The following ATG13 variants were observed in gnomAD, a reference collection of about 807,000 sequenced individuals.
ATG13 encodes autophagy related 13.
In ATG13, 23 loss-of-function variants were observed where a neutral mutation model predicts 65.5. That is an observed-to-expected ratio of 0.35 (90% CI 0.25 to 0.50). The LOEUF (loss-of-function observed/expected upper bound fraction) is 0.50. Ranked by LOEUF, ATG13 falls within the 20% of genes least tolerant of loss-of-function variation. The pLI is 0.98. For missense variants in ATG13, 566 were observed against 677.0 expected (o/e 0.84, Z 1.82); for synonymous variants, 252 against 245.2 (o/e 1.03, Z -0.26).
At chr11:46,626,863 C>G (rs1478502200) in intron 1 of ATG13, among the ~76,000 whole-genome samples, 1 of 152,160 alleles carries the variant, frequency 6.6e-6, no homozygotes, top group Non-Finnish European at 1.5e-5. Flanking sequence ...CCCTTTGAAA[C>G]CACAGTGTTA....
chr11:46,619,014 A>C (rs1274680481), intron 1 of ATG13, among the ~76,000 whole-genome samples: 2 of 152,138 alleles, frequency 1.3e-5, no homozygotes, highest in Non-Finnish European at 2.9e-5. Context: ...AGTTTACTTG[A>C]ACTTTAGGTG....
chr11:46,629,776 A>T (rs965247518), intron 1 of ATG13: 2 of 152,170 alleles, frequency 1.3e-5, no homozygotes, highest in Non-Finnish European at 2.9e-5. Flanking sequence ...CCCTTGTTAG[A>T]ATACAAGCTC....
In ATG13 at chr11:46,659,476, A is replaced by G. The variant is rs1457584537; in HGVS notation, c.780A>G (p.Pro260=). 1.2e-6 allele frequency: 2 copies of G among 1,612,706 alleles called. No homozygotes were observed. The highest frequency in any genetic ancestry group is 4.5e-5 in the East Asian group (2 of 44,876). ...EVCTTSFSTS[P]PSQCVFTVTK... ...GTACCACCTCTTTTTCCACCTCCCCACCATCCCAGGTAGGGGGAAGCAGGT... is the reference window on the plus strand; with the variant it reads ...GTACCACCTCTTTTTCCACCTCCCCGCCATCCCAGGTAGGGGGAAGCAGGT... Residue 260 remains proline (P), a synonymous_variant, in exon 11 of 19, where the codon CCA becomes CCG. Transcript: ENST00000683050.
intron 1 of ATG13, among the ~76,000 whole-genome samples, chr11:46,624,226 A>T (rs1374120225): frequency 1.3e-5 from 2 of 151,934 alleles, no homozygotes; most frequent in Non-Finnish European, 2.9e-5. Flanking sequence ...CTGGTCTCGA[A>T]CTCTTGACCT....
rs2062010945 is a variant in ATG13, at chr11:46,665,109, T to C, written c.999+150T>C. 3.4e-6 allele frequency: 3 copies of C among 889,104 alleles called. No homozygotes were observed. In the African/African-American group the frequency reaches 5.0e-5, roughly 15 times the overall value. 55.1% of individuals were successfully genotyped at this position (889,104 alleles called of 1,614,324 possible). A position where few individuals can be genotyped will look rare whatever the true frequency, so the allele number is the denominator to read the frequency against. On this transcript the variant is annotated intron_variant, in intron 13 of 18. Coordinates refer to ENST00000683050, the MANE Select transcript of ATG13 (RefSeq NM_001346311.2). The stretch of plus-strand genomic sequence containing the variant: ...CGTGACTTCAGAGACCAAAAGTGAC[T>C]CGAGAGGAAGGAGCCTCTTAGACTT...
Position 46,672,285 on chromosome 11 carries a change from G to A in ATG13, c.1606G>A (p.Glu536Lys). 1 of 1,614,266 alleles carries A rather than the reference G, an allele frequency of 6.2e-7. No homozygotes were observed. The highest frequency in any genetic ancestry group is 8.5e-7 in the Non-Finnish European group (1 of 1,180,036). Residue 536 changes from glutamate to lysine, a missense_variant, in exon 19 of 19, where the codon GAG becomes AAG. By Grantham distance (56) the Glu-to-Lys change is moderately conservative (BLOSUM62 1). Around this residue, in one of 2 missense-constraint regions of ATG13, gnomAD observed 387 missense variants for 409.8 expected, o/e 0.94. Coordinates refer to ENST00000683050, the MANE Select transcript of ATG13 (RefSeq NM_001346311.2). ...ATTACCAGAGAAGCTGGCTGTGCAT[G>A]AGAAGAATGTCCGCGAGTTTGATGC... The part of the protein sequence containing the change: ...DSLPEKLAVH[E>K]KNVREFDAFV...
chr11:46,672,259 C>T lies in ATG13; in HGVS notation c.1580C>T (p.Ser527Leu), dbSNP rs772580939. Residue 527 changes from serine to leucine, a missense_variant, in exon 19 of 19, where the codon TCA becomes TTA. Ser to Leu is a moderately radical substitution (Grantham distance 145). Around this residue, in one of 2 missense-constraint regions of ATG13, gnomAD observed 387 missense variants for 409.8 expected, o/e 0.94. Coordinates refer to ENST00000683050, the MANE Select transcript of ATG13 (RefSeq NM_001346311.2). Reference protein sequence around the residue: ...GAQSMAEDLDSLPEKLAVHEK... With the variant: ...GAQSMAEDLDLLPEKLAVHEK... Reference sequence around the variant, plus strand: ...TTCCCTCTCTTTCCGGTACAGGACTCATTACCAGAGAAGCTGGCTGTGCAT... The same window carrying T: ...TTCCCTCTCTTTCCGGTACAGGACTTATTACCAGAGAAGCTGGCTGTGCAT... The T allele has an allele frequency of 1.2e-6, 2 of 1,614,242 alleles. No individual in the cohort carries two copies. Among genetic ancestry groups the T allele is most frequent in the South Asian group, 2.2e-5 (2 of 91,088 alleles).
intron 7 of ATG13, among the ~76,000 whole-genome samples, chr11:46,652,981 G>T (rs530809497): frequency 6.6e-6 from 1 of 151,946 alleles, no homozygotes; most frequent in Non-Finnish European, 1.5e-5. Flanking sequence ...TTTACATATT[G>T]TCTATGGCTA....
At chr11:46,654,799 T>A (rs2059678184) in intron 7 of ATG13, among the ~76,000 whole-genome samples, 1 of 150,164 alleles carries the variant, frequency 6.7e-6, no homozygotes, top group Middle Eastern at 3.7e-3. Flanking sequence ...AAATTATTTT[T>A]AAAAAACCCG....
chr11:46,638,498 G>A (rs2136120865), intron 2 of ATG13: 1 of 152,162 alleles, frequency 6.6e-6, no homozygotes, highest in East Asian at 1.9e-4. Flanking sequence ...GTTAACTCCA[G>A]TCATTCTGCT....
At chr11:46,644,944 T>C (rs1016387277) in intron 3 of ATG13, among the ~76,000 whole-genome samples, 2 of 152,214 alleles carry the variant, frequency 1.3e-5, no homozygotes, top group Non-Finnish European at 2.9e-5. Context: ...ATATGAATAA[T>C]TGTGGAATTT....
At chr11:46,655,144 A>G (rs2059769213) in intron 7 of ATG13, among the ~76,000 whole-genome samples, 1 of 152,036 alleles carries the variant, frequency 6.6e-6, no homozygotes, top group African/African-American at 2.4e-5. Context: ...TCACGCCTGT[A>G]ATCCCAGCAC....
intron 11 of ATG13, among the ~76,000 whole-genome samples, chr11:46,660,204 C>T (rs2060855791): frequency 6.6e-6 from 1 of 152,154 alleles, no homozygotes; most frequent in Non-Finnish European, 1.5e-5. Flanking sequence ...CCTCCAGATT[C>T]CTCTTCTGCC....
rs371247460 is a variant in ATG13 at position 46,671,850 on chromosome 11, G to A, written c.1576-405G>A. Among the ~76,000 whole-genome samples the A allele has an allele frequency of 9.2e-5, 14 of 152,352 alleles. No individual in the cohort carries two copies. In the East Asian group the frequency reaches 2.5e-3, roughly 27 times the overall value. ...ACCTGGTTCACATTCCCCCCAGGGG[G>A]TCCCGATGCCCAGCAAAGGGTGTGA... is the stretch of plus-strand genomic sequence containing the variant. On this transcript the variant is annotated intron_variant, in intron 18 of 18. Transcript: ENST00000683050.
At chr11:46,618,190 C>T (rs2045965882) in intron 1 of ATG13, 1 of 304,606 alleles carries the variant, frequency 3.3e-6, no homozygotes, top group East Asian at 5.3e-5. Context: ...GGGTTGGGTG[C>T]CAATATGAGT....
In ATG13 at chr11:46,665,466, G is replaced by A. The variant is rs2062093214; in HGVS notation, c.1083G>A (p.Leu361=). The A allele has an allele frequency of 6.2e-7, 1 of 1,614,214 alleles. No individual in the cohort carries two copies. The highest frequency in any genetic ancestry group is 1.1e-5 in the South Asian group (1 of 91,082). The change falls in exon 14 of 19, where the codon CTG becomes CTA. Residue 361 remains leucine, a synonymous_variant. Transcript: ENST00000683050. The part of the protein sequence containing the change: ...VHGTQADQER[L]ATCTPSDRTH... ...GTACCCAGGCTGACCAGGAGAGACT[G>A]GCAACCTGCACCCCTTCTGACAGAA... is the stretch of plus-strand genomic sequence containing the variant.
intron 2 of ATG13, chr11:46,638,637 T>C (rs919044931): frequency 6.6e-5 from 10 of 152,214 alleles, no homozygotes; most frequent in African/African-American, 2.2e-4. Flanking sequence ...TCTCTACTAC[T>C]TTAATAACAA....
rs990465972 is a variant in ATG13 at position 46,617,904 on chromosome 11, C to T, written c.-70+14C>T. The T allele has an allele frequency of 2.0e-5, 8 of 399,010 alleles. No individual in the cohort carries two copies. Among genetic ancestry groups the T allele is most frequent in the African/African-American group, 1.0e-4 (5 of 48,634 alleles). 24.7% of individuals were successfully genotyped at this position (399,010 alleles called of 1,614,324 possible). A position where few individuals can be genotyped will look rare whatever the true frequency, so the allele number is the denominator to read the frequency against. ...GCAGCTTCGCAGGTACTAACTTTTG[C>T]GGGGGATACCCCAAGATCTCTCAGC... On this transcript the variant is annotated intron_variant, in intron 1 of 18. Transcript: ENST00000683050.
rs143736943 is a variant in ATG13 at position 46,649,307 on chromosome 11, T to C, written c.317+124T>C. 396 of 1,090,332 alleles carry C rather than the reference T, an allele frequency of 3.6e-4. 1 individual carries two copies. The African/African-American group carries it at 3.8e-3, about 11-fold the overall frequency. The allele number at this position is 1,090,332 out of a possible 1,614,324, so 67.5% of individuals were successfully genotyped here. A position where few individuals can be genotyped will look rare whatever the true frequency, so the allele number is the denominator to read the frequency against. On this transcript the variant is annotated intron_variant, in intron 6 of 18. Transcript: ENST00000683050. ...CATTCTGACCACTTAACAAAGCCAA[T>C]AGGTCTTTGCTACAATTTGCTTCAT...
Sources: gnomAD v4.1 joint callset for allele counts (sites outside exome capture counted in the v4.1 genomes callset) on GRCh38, gnomAD v4.1.1 for gene constraint, gnomAD v4.1.1 regional missense constraint, MANE v1.5 for transcripts, NCBI Gene and HGNC (gene_info 2026-07-23, HGNC 2026-07-21) for gene names.